Variants in LIPA observed in about 807,000 individuals in gnomAD.
LIPA encodes lysosomal acid lipase/cholesteryl ester hydrolase.
LIPA carries 26 observed loss-of-function variants against 40.6 expected under a neutral mutation model. The ratio of observed to expected loss-of-function variants is 0.64; its 90% CI spans 0.47 to 0.89. The LOEUF (loss-of-function observed/expected upper bound fraction) is 0.89. LIPA is among the 40% of genes least tolerant of loss of function. The probability of loss-of-function intolerance (pLI) is 0.00; values close to 1 mark genes in which losing one functional copy is unlikely to be tolerated. For missense variants in LIPA, 455 were observed against 479.6 expected (o/e 0.95, Z 0.48); for synonymous variants, 188 against 168.4 (o/e 1.12, Z -0.90).
intron 1 of LIPA, among the ~76,000 whole-genome samples, chr10:89,267,750 A>T (rs1458644477): frequency 7.5e-5 from 8 of 106,938 alleles, no homozygotes; most frequent in Admixed American, 4.9e-4. Flanking sequence ...AAAGAAACTT[A>T]AAAAAAAAAA....
At chr10:89,262,489 C>G (rs1843215819) in intron 1 of LIPA, among the ~76,000 whole-genome samples, 1 of 152,224 alleles carries the variant, frequency 6.6e-6, no homozygotes, top group Admixed American at 6.5e-5. Context: ...CATGGAAACT[C>G]AGTATCTTTC....
intron 2 of LIPA, among the ~76,000 whole-genome samples, chr10:89,394,282 C>A (rs1221950808): frequency 6.6e-6 from 1 of 152,126 alleles, no homozygotes; most frequent in Non-Finnish European, 1.5e-5. Context: ...TATAGGACCA[C>A]CACCAAATAT....
At chr10:89,238,190 G>T (rs1265443836) in intron 3 of LIPA, among the ~76,000 whole-genome samples, 1 of 152,168 alleles carries the variant, frequency 6.6e-6, no homozygotes, top group Admixed American at 6.5e-5. Flanking sequence ...GGTGGGAGCA[G>T]GTAAATAGTT....
In LIPA at chr10:89,338,914, G is replaced by T. The variant is rs765900036; in HGVS notation, c.-2+3697C>A. 5 of 1,614,140 alleles carry T rather than the reference G, an allele frequency of 3.1e-6. No homozygotes were observed. The Admixed American group carries it at 8.3e-5, about 27-fold the overall frequency. On this transcript the variant is annotated intron_variant, in intron 1 of 5. Transcript: ENST00000282673. ...AGAGTTAATCCAGCAAGAACATGCT[G>T]ACCAAGCAGAAATCAGAAGTCTAGT...
At chr10:89,225,029 A>G in intron 6 of LIPA, 63 bp downstream of exon 6, 1 of 1,579,742 alleles carries the variant, frequency 6.3e-7, no homozygotes, top group East Asian at 2.2e-5. Flanking sequence ...TCCCCTTGCC[A>G]TTTCTTCAGA....
intron 1 of LIPA, chr10:89,306,395 T>C: frequency 6.2e-7 from 1 of 1,614,070 alleles, no homozygotes; most frequent in East Asian, 2.2e-5. Flanking sequence ...GTGGACACGG[T>C]TAAAGTGTGG....
intron 1 of LIPA, among the ~76,000 whole-genome samples, chr10:89,322,054 C>A (rs533431203): frequency 9.2e-5 from 14 of 152,034 alleles, no homozygotes; most frequent in Middle Eastern, 3.4e-3. Flanking sequence ...GAGCATCACA[C>A]ACTGGGGCCT....
chr10:89,379,861 C>T (rs1216573384), intron 2 of LIPA, among the ~76,000 whole-genome samples: 4 of 151,966 alleles, frequency 2.6e-5, no homozygotes, highest in Admixed American at 6.6e-5. Flanking sequence ...GGTGAAACCC[C>T]GCCTCTTCTA....
chr10:89,234,826 G>A lies in LIPA; in HGVS notation c.230-6428C>T, dbSNP rs1210254525. Among the ~76,000 whole-genome samples, 3 of 152,340 alleles carry A rather than the reference G, an allele frequency of 2.0e-5. No individual in the cohort carries two copies. In the South Asian group the frequency reaches 6.2e-4, roughly 32 times the overall value. ...GCTGATTGAAATGATAGCTAGCGCC[G>A]ATTGCACGCTTGTATGCTGTAGGTA... On this transcript the variant is annotated intron_variant, in intron 3 of 9. Transcript: ENST00000336233.
At chr10:89,224,424 C>T (rs1646164534) in intron 6 of LIPA, among the ~76,000 whole-genome samples, 1 of 152,162 alleles carries the variant, frequency 6.6e-6, no homozygotes, top group Non-Finnish European at 1.5e-5. Flanking sequence ...TTCTAAATGG[C>T]CCATGAGAGA....
intron 2 of LIPA, among the ~76,000 whole-genome samples, chr10:89,394,577 AATATATATATATATATATAT>A (rs200060906): frequency 0.055 from 6,011 of 108,666 alleles, 295 homozygotes; most frequent in Admixed American, 0.093. Flanking sequence ...ACTACAGGAA[AATATATATATATATATATAT>A]ATATATATAT....
chr10:89,245,573 T>TA, intron 3 of LIPA, 103 bp downstream of exon 3: 2 of 770,080 alleles, frequency 2.6e-6, no homozygotes, highest in Non-Finnish European at 4.8e-6. Context: ...TGCTTTCGTC[T>TA]AAAAATAATC....
At chr10:89,413,639 C>G (rs1044782165) in intron 1 of LIPA, among the ~76,000 whole-genome samples, 2 of 151,960 alleles carry the variant, frequency 1.3e-5, no homozygotes, top group African/African-American at 4.8e-5. Flanking sequence ...TAGTGGTGCA[C>G]GCATATAGTC....
In LIPA at chr10:89,300,269, G is replaced by A. The variant is rs1010366291; in HGVS notation, c.-2+42342C>T. On this transcript the variant is annotated intron_variant, in intron 1 of 5. Coordinates refer to the LIPA transcript ENST00000282673. ...ATAATAGATACCAGAGACTGGGAAG[G>A]GGGGTGGTGGGAAGATGAGAGTTAG... Among the ~76,000 whole-genome samples the A allele has an allele frequency of 1.2e-4, 18 of 152,306 alleles. No individual in the cohort carries two copies. In the East Asian group the frequency reaches 3.3e-3, roughly 28 times the overall value.
chr10:89,312,669 C>T (rs536138964), intron 1 of LIPA, among the ~76,000 whole-genome samples: 12 of 151,638 alleles, frequency 7.9e-5, no homozygotes, highest in African/African-American at 2.9e-4. Flanking sequence ...ATTAGACAGG[C>T]GTGGTGGCGG....
Position 89,259,172 on chromosome 10 carries a change from G to A in LIPA, c.-1-11523C>T, listed in dbSNP as rs1318068119. Among the ~76,000 whole-genome samples, 3 of 152,310 alleles carry A rather than the reference G, an allele frequency of 2.0e-5. No individual in the cohort carries two copies. In the East Asian group the frequency reaches 5.8e-4, roughly 29 times the overall value. On this transcript the variant is annotated intron_variant, in intron 1 of 5. Coordinates refer to the LIPA transcript ENST00000282673. Reference sequence around the variant, plus strand: ...CATTGTTCCCTTTAAATGGTGAATTGAATGGTATGCAGATTGTATCTCAGT... The same window carrying A: ...CATTGTTCCCTTTAAATGGTGAATTAAATGGTATGCAGATTGTATCTCAGT...
At chr10:89,411,289 G>GA (rs146270257) in intron 2 of LIPA, among the ~76,000 whole-genome samples, 15,337 of 147,498 alleles carry the variant, frequency 0.1, 2,544 homozygotes, top group African/African-American at 0.35. Context: ...GGCAATTAAG[G>GA]AAAAAAAAAA....
At chr10:89,328,067 G>A in intron 1 of LIPA, 1 of 1,613,924 alleles carries the variant, frequency 6.2e-7, no homozygotes, top group Non-Finnish European at 8.5e-7. Context: ...AGACACAGAG[G>A]GCAGTCATGA....
chr10:89,343,912 C>T (rs935907260), upstream of LIPA, among the ~76,000 whole-genome samples: 1 of 151,992 alleles, frequency 6.6e-6, no homozygotes, highest in African/African-American at 2.4e-5. Flanking sequence ...TAGCTTAATT[C>T]AGGCAGGAGT....
Sources: allele counts gnomAD v4.1 joint callset (sites outside exome capture counted in the v4.1 genomes callset), GRCh38; gene constraint gnomAD v4.1.1; transcripts MANE v1.5; gene names NCBI Gene and HGNC (gene_info 2026-07-23, HGNC 2026-07-21).